The following CACNA1C variants were observed in gnomAD, a reference collection of about 807,000 sequenced individuals.
CACNA1C encodes calcium voltage-gated channel subunit alpha1 C, also known as voltage-dependent L-type calcium channel subunit alpha-1C.
CACNA1C carries 30 observed loss-of-function variants against 229.0 expected under a neutral mutation model. The observed-to-expected ratio is 0.13, with a 90% CI of 0.10 to 0.18. The LOEUF (loss-of-function observed/expected upper bound fraction) is 0.18. CACNA1C is among the 10% of genes least tolerant of loss of function. The pLI is 1.00. For missense variants in CACNA1C, 1,658 were observed against 2,845.0 expected, an observed-to-expected ratio of 0.58 and a Z score of 9.49; for synonymous variants, 1,114 against 1,132.5, an observed-to-expected ratio of 0.98 and a Z score of 0.33.
At chr12:2,276,316 G>GA (rs2088026914) in intron 3 of CACNA1C, among the ~76,000 whole-genome samples, 1 of 152,176 alleles carries the variant, frequency 6.6e-6, no homozygotes, top group East Asian at 1.9e-4. Context: ...CCATGTGCTG[G>GA]AATTTGAGGG....
At chr12:2,018,798 T>G (rs1432763827) in intron 1 of CACNA1C, among the ~76,000 whole-genome samples, 1 of 152,224 alleles carries the variant, frequency 6.6e-6, no homozygotes, top group African/African-American at 2.4e-5. Context: ...GCTCAAAATT[T>G]ACATGTGAGT....
At chr12:2,105,191 G>T (rs1474522183) in intron 1 of CACNA1C, among the ~76,000 whole-genome samples, 1 of 152,182 alleles carries the variant, frequency 6.6e-6, no homozygotes, top group Non-Finnish European at 1.5e-5. Context: ...TAGCTTTTCC[G>T]CTTTTCCCAT....
At chr12:2,278,837 G>A (rs892161774) in intron 3 of CACNA1C, among the ~76,000 whole-genome samples, 1 of 152,228 alleles carries the variant, frequency 6.6e-6, no homozygotes, top group African/African-American at 2.4e-5. Context: ...GTGCCATTTT[G>A]TGCTGCCATC....
chr12:2,636,260 G>A (rs2092653480), intron 30 of CACNA1C, among the ~76,000 whole-genome samples: 1 of 152,214 alleles, frequency 6.6e-6, no homozygotes. Context: ...CTGCCCCCCT[G>A]TACAGTGGCC....
At position 2,029,351 on chromosome 12, in the gene CACNA1C, G is replaced by A. The variant is rs1053599864; in HGVS notation, c.139+58150G>A. Reference sequence around the variant, plus strand: ...AAATCCAGAGCTATGTAACACATCCGCAATATACACCATCACCACTAACTT... The same window carrying A: ...AAATCCAGAGCTATGTAACACATCCACAATATACACCATCACCACTAACTT... On this transcript the variant is annotated intron_variant, in intron 1 of 46. Coordinates refer to the CACNA1C transcript ENST00000682462. This position sits in a 1 kb window ranked among gnomAD's most constrained non-coding sequence, Gnocchi z 4.9. Among the ~76,000 whole-genome samples, 16 of 152,206 alleles carry A rather than the reference G, an allele frequency of 1.1e-4. No homozygotes were observed. The highest frequency in any genetic ancestry group is 3.1e-4 in the African/African-American group (13 of 41,530).
chr12:1,972,979 G>A (rs921177252), intron 1 of CACNA1C, among the ~76,000 whole-genome samples: 1 of 152,240 alleles, frequency 6.6e-6, no homozygotes, highest in African/African-American at 2.4e-5. Context: ...AACACAGGCT[G>A]CGTTTGGCCG....
chr12:2,175,135 A>G (rs1369128741), intron 3 of CACNA1C, among the ~76,000 whole-genome samples: 1 of 152,256 alleles, frequency 6.6e-6, no homozygotes, highest in Admixed American at 6.5e-5. Context: ...AAATGCCTCT[A>G]TCACTCCAGA....
intron 1 of CACNA1C, among the ~76,000 whole-genome samples, chr12:2,102,159 A>G (rs1377551992): frequency 1.3e-5 from 2 of 152,218 alleles, no homozygotes; most frequent in East Asian, 3.8e-4. Context: ...CATTGAACAT[A>G]TGGCAAACAT....
chr12:2,344,199 G>T (rs1024175679), intron 3 of CACNA1C, among the ~76,000 whole-genome samples: 13 of 152,258 alleles, frequency 8.5e-5, no homozygotes, highest in African/African-American at 2.9e-4. Context: ...TTTTAAGGCC[G>T]ATTGCTACTA....
intron 7 of CACNA1C, among the ~76,000 whole-genome samples, chr12:2,498,991 G>T (rs976350255): frequency 6.6e-6 from 1 of 152,132 alleles, no homozygotes; most frequent in Non-Finnish European, 1.5e-5. Context: ...GCTTGCCTTG[G>T]TGTTAGGAGC....
rs934643740 is a variant in CACNA1C, at chr12:2,181,179, AATG to A, written c.477+60752_477+60754del. On this transcript the variant is annotated intron_variant, in intron 3 of 46. Transcript: ENST00000399655. This position sits in a 1 kb window ranked among gnomAD's most constrained non-coding sequence, Gnocchi z 4.0. ...GAGCCCAGTCCGTGACGGCGGTAAC[AATG>A]ATCATTACTACCTCTGTTATTTCCT... Among the ~76,000 whole-genome samples, 10 of 152,178 alleles carry A rather than the reference AATG, an allele frequency of 6.6e-5. No homozygotes were observed. Among genetic ancestry groups the A allele is most frequent in the Non-Finnish European group, 1.3e-4 (9 of 68,024 alleles).
chr12:1,988,209 G>A (rs983956876), intron 1 of CACNA1C, among the ~76,000 whole-genome samples: 1 of 152,152 alleles, frequency 6.6e-6, no homozygotes, highest in Non-Finnish European at 1.5e-5. Context: ...CAAGCTACGT[G>A]TCCATCATGG....
intron 3 of CACNA1C, among the ~76,000 whole-genome samples, chr12:2,219,288 A>G (rs2060818035): frequency 2.0e-5 from 3 of 152,182 alleles, no homozygotes; most frequent in African/African-American, 7.2e-5. Flanking sequence ...CTATCCCTTC[A>G]GGCTTCTGCC....
chr12:2,408,864 C>A (rs751148805), intron 3 of CACNA1C, among the ~76,000 whole-genome samples: 1 of 152,108 alleles, frequency 6.6e-6, no homozygotes, highest in African/African-American at 2.4e-5. Flanking sequence ...CTTCTGAAAC[C>A]TTGCATTGAT....
At chr12:2,362,648 A>G (rs1345864605) in intron 3 of CACNA1C, among the ~76,000 whole-genome samples, 1 of 152,240 alleles carries the variant, frequency 6.6e-6, no homozygotes, top group African/African-American at 2.4e-5. Context: ...TGGAAGGCAC[A>G]GTAGGCACTC....
chr12:2,617,175 C>T (rs1451839787), intron 29 of CACNA1C, among the ~76,000 whole-genome samples: 2 of 152,216 alleles, frequency 1.3e-5, no homozygotes, highest in Non-Finnish European at 2.9e-5. Flanking sequence ...AATCCATCAA[C>T]GAGGCCCTGG....
At chr12:2,078,524 A>G (rs7136061) in intron 1 of CACNA1C, among the ~76,000 whole-genome samples, 71,470 of 152,062 alleles carry the variant, frequency 0.47, 18,543 homozygotes, top group Middle Eastern at 0.62. Context: ...TGAGGTATCT[A>G]AAGTAGTCAA....
At chr12:2,259,073 G>T (rs140755453) in intron 3 of CACNA1C, among the ~76,000 whole-genome samples, 1 of 152,126 alleles carries the variant, frequency 6.6e-6, no homozygotes, top group South Asian at 2.1e-4. Context: ...GGGAAATCAC[G>T]GAACTCAATA....
intron 29 of CACNA1C, chr12:2,612,252 G>A (rs1004187275): frequency 4.1e-6 from 2 of 489,606 alleles, no homozygotes; most frequent in Non-Finnish European, 7.3e-6. Flanking sequence ...ACAAGCTGCA[G>A]ATTCCTCGCT....
Sources: gnomAD v4.1 joint callset for allele counts (sites outside exome capture counted in the v4.1 genomes callset) on GRCh38, gnomAD v4.1.1 for gene constraint, Gnocchi (gnomAD v3.1) non-coding constraint, MANE v1.5 for transcripts, NCBI Gene and HGNC (gene_info 2026-07-23, HGNC 2026-07-21) for gene names.